MAGI3: variants seen among roughly 807,000 people sequenced by gnomAD.
MAGI3 encodes the protein membrane associated guanylate kinase, WW and PDZ domain containing 3.
MAGI3 carries 43 observed loss-of-function variants against 121.8 expected under a neutral mutation model. The observed-to-expected ratio is 0.35, with a 90% confidence interval of 0.28 to 0.46. MAGI3 has a LOEUF of 0.46. Among genes scored for constraint, MAGI3 ranks in the 20% least tolerant of loss-of-function variants. MAGI3 has a pLI of 1.00. For synonymous variants in MAGI3, 553 were observed against 639.3 expected, an observed-to-expected ratio of 0.86 and a Z score of 2.04; for missense variants, 1,547 against 1,797.3, an observed-to-expected ratio of 0.86 and a Z score of 2.52.
In MAGI3 at chr1:113,422,239, A is replaced by G. The variant is rs1248523160; in HGVS notation, c.316+30890A>G. 6.6e-6 allele frequency among the ~76,000 whole-genome samples: 1 copy of G among 152,266 alleles called. No homozygotes were observed. Among genetic ancestry groups the G allele is most frequent in the Non-Finnish European group, 1.5e-5 (1 of 68,044 alleles). ...TTACAAAACTACAGTATAATATCAC[A>G]GTCAGGATATTGACATTGATACCAC... On this transcript the variant is annotated intron_variant, in intron 1 of 20. Transcript: ENST00000307546. The surrounding 1 kb of genome is among the most constrained non-coding windows in gnomAD (Gnocchi z 4.3).
chr1:113,582,327 CATATGGGA>C (rs1401218514), intron 3 of MAGI3, among the ~76,000 whole-genome samples: 2 of 151,994 alleles, frequency 1.3e-5, no homozygotes, highest in Non-Finnish European at 2.9e-5. Flanking sequence ...TATGTAGACA[CATATGGGA>C]ATATTTGTTA....
Position 113,601,462 on chromosome 1 carries a change from C to T in MAGI3, c.1018+6902C>T, listed in dbSNP as rs1430476584. Among the ~76,000 whole-genome samples the T allele has an allele frequency of 6.8e-5, 10 of 147,906 alleles. No homozygotes were observed. The East Asian group carries it at 2.0e-3, about 29-fold the overall frequency. Reference sequence around the variant, plus strand: ...AAGACATTTATGCAGCCAAAAAACACATGAAAAAATGCTCACCATCACTGG... The same window carrying T: ...AAGACATTTATGCAGCCAAAAAACATATGAAAAAATGCTCACCATCACTGG... On this transcript the variant is annotated intron_variant, in intron 6 of 20. Transcript: ENST00000307546.
intron 2 of MAGI3, among the ~76,000 whole-genome samples, chr1:113,553,490 G>A (rs755915807): frequency 6.6e-6 from 1 of 152,150 alleles, no homozygotes; most frequent in Non-Finnish European, 1.5e-5. Flanking sequence ...AATTCCCAGA[G>A]CTTACCCAGG....
intron 4 of MAGI3, among the ~76,000 whole-genome samples, chr1:113,586,380 A>C (rs1648365190): frequency 6.6e-6 from 1 of 152,182 alleles, no homozygotes; most frequent in East Asian, 1.9e-4. Flanking sequence ...AATTTGCAGA[A>C]CACATTTCCT....
intron 1 of MAGI3, among the ~76,000 whole-genome samples, chr1:113,440,727 G>A (rs1045832824): frequency 6.6e-6 from 1 of 152,172 alleles, no homozygotes; most frequent in Non-Finnish European, 1.5e-5. Context: ...TCTGGTGGTG[G>A]TGGTGATGAT....
chr1:113,617,827 G>C (rs1244595010), intron 7 of MAGI3, among the ~76,000 whole-genome samples: 1 of 152,122 alleles, frequency 6.6e-6, no homozygotes, highest in East Asian at 1.9e-4. Flanking sequence ...TATTTTCACA[G>C]AGTTAAACAG....
chr1:113,656,373 G>A (rs1653466871), intron 15 of MAGI3, among the ~76,000 whole-genome samples: 1 of 151,946 alleles, frequency 6.6e-6, no homozygotes, highest in African/African-American at 2.4e-5. Context: ...TAGCACAGGT[G>A]GAAAGGCAGG....
chr1:113,600,237 G>A (rs566020920), intron 6 of MAGI3, among the ~76,000 whole-genome samples: 1 of 152,274 alleles, frequency 6.6e-6, no homozygotes, highest in African/African-American at 2.4e-5. Flanking sequence ...TTAGGCAGGA[G>A]AAGGAAATAA....
intron 12 of MAGI3, among the ~76,000 whole-genome samples, chr1:113,647,407 G>T (rs1317964854): frequency 6.6e-6 from 1 of 152,120 alleles, no homozygotes; most frequent in East Asian, 1.9e-4. Context: ...GAGTATGAAG[G>T]ATGAATCAGA....
intron 1 of MAGI3, among the ~76,000 whole-genome samples, chr1:113,437,492 A>G (rs969659944): frequency 6.6e-6 from 1 of 152,114 alleles, no homozygotes; most frequent in African/African-American, 2.4e-5. Flanking sequence ...CCTAGATAAT[A>G]GAAAGGGAAA....
At chr1:113,453,295 G>A (rs2101493363) in intron 1 of MAGI3, among the ~76,000 whole-genome samples, 1 of 152,238 alleles carries the variant, frequency 6.6e-6, no homozygotes, top group East Asian at 1.9e-4. Context: ...TATAATGCTT[G>A]TCTCCTGTTT....
chr1:113,416,173 T>G (rs1385415173), intron 1 of MAGI3, among the ~76,000 whole-genome samples: 2 of 105,498 alleles, frequency 1.9e-5, no homozygotes, highest in Non-Finnish European at 4.1e-5. Context: ...ATTATGTAAT[T>G]AATGACACAT....
At chr1:113,401,346 A>G (rs1651390901) in intron 1 of MAGI3, among the ~76,000 whole-genome samples, 1 of 152,158 alleles carries the variant, frequency 6.6e-6, no homozygotes, top group Non-Finnish European at 1.5e-5. Context: ...CTTACAATAA[A>G]GGCTTCACTG....
chr1:113,530,030 A>G (rs1658630890), intron 1 of MAGI3, among the ~76,000 whole-genome samples: 1 of 152,164 alleles, frequency 6.6e-6, no homozygotes, highest in Admixed American at 6.5e-5. Flanking sequence ...CCACTAGTTT[A>G]TAACTGTGCA....
intron 1 of MAGI3, among the ~76,000 whole-genome samples, chr1:113,475,052 G>T (rs111250086): frequency 0.052 from 7,901 of 152,262 alleles, 254 homozygotes; most frequent in Non-Finnish European, 0.074. Flanking sequence ...TGTTAATGAT[G>T]TATAGGAATG....
At chr1:113,489,163 C>T (rs1656549750) in intron 1 of MAGI3, among the ~76,000 whole-genome samples, 1 of 148,974 alleles carries the variant, frequency 6.7e-6, no homozygotes, top group Admixed American at 6.9e-5. Context: ...TCTGGGAACA[C>T]CTTAGGCCCC....
intron 1 of MAGI3, among the ~76,000 whole-genome samples, chr1:113,518,945 G>C (rs1304832859): frequency 1.3e-5 from 2 of 152,064 alleles, no homozygotes; most frequent in East Asian, 3.9e-4. Context: ...GATATATATT[G>C]TCTCCAAGTT....
intron 1 of MAGI3, among the ~76,000 whole-genome samples, chr1:113,407,379 A>G (rs1651739781): frequency 6.6e-6 from 1 of 152,126 alleles, no homozygotes; most frequent in Non-Finnish European, 1.5e-5. Context: ...GAGGACTTCA[A>G]GAGAACCTCT....
intron 1 of MAGI3, among the ~76,000 whole-genome samples, chr1:113,508,665 C>G (rs948863366): frequency 1.3e-5 from 2 of 152,190 alleles, no homozygotes; most frequent in African/African-American, 4.8e-5. Flanking sequence ...TAATAAACTT[C>G]TAGTGCTATT....
Sources: allele counts gnomAD v4.1 joint callset (sites outside exome capture counted in the v4.1 genomes callset), GRCh38; gene constraint gnomAD v4.1.1; non-coding constraint Gnocchi (gnomAD v3.1); transcripts MANE v1.5; gene names NCBI Gene and HGNC (gene_info 2026-07-23, HGNC 2026-07-21).